Variants in OCA2 observed in about 807,000 individuals in gnomAD.
OCA2 encodes OCA2 melanosomal transmembrane protein, also known as P protein.
In OCA2, 77 loss-of-function variants were observed where a neutral mutation model predicts 100.2. The observed-to-expected ratio is 0.77, with a 90% CI of 0.64 to 0.93. OCA2 has a LOEUF of 0.93. Among genes scored for constraint, OCA2 ranks in the 40% least tolerant of loss-of-function variants. OCA2 has a pLI of 0.00. For missense variants in OCA2, 1,062 were observed against 1,089.1 expected (o/e 0.98, Z 0.35); for synonymous variants, 432 against 439.2 (o/e 0.98, Z 0.21).
chr15:28,006,609 C>T (rs2042099227), intron 9 of OCA2, among the ~76,000 whole-genome samples: 1 of 152,192 alleles, frequency 6.6e-6, no homozygotes, highest in Admixed American at 6.5e-5. Context: ...CATAATCCAC[C>T]AGTTTTCCTG....
intron 19 of OCA2, among the ~76,000 whole-genome samples, chr15:27,903,595 G>C (rs1177034672): frequency 6.6e-6 from 1 of 152,188 alleles, no homozygotes; most frequent in Non-Finnish European, 1.5e-5. Flanking sequence ...CAGGAGCTTG[G>C]AACTCCCCTC....
At chr15:28,073,758 T>G (rs2044338630) in intron 2 of OCA2, among the ~76,000 whole-genome samples, 5 of 152,224 alleles carry the variant, frequency 3.3e-5, no homozygotes, top group African/African-American at 1.2e-4. Context: ...AAATAAACGT[T>G]GAATTTTAAA....
intron 23 of OCA2, among the ~76,000 whole-genome samples, chr15:27,770,877 C>G: frequency 7.2e-6 from 1 of 138,748 alleles, no homozygotes; most frequent in Non-Finnish European, 1.5e-5. Flanking sequence ...TTCCCTCCTT[C>G]CTTTGCTCCT....
chr15:27,826,909 G>A (rs1179397084), intron 23 of OCA2, among the ~76,000 whole-genome samples: 1 of 152,252 alleles, frequency 6.6e-6, no homozygotes, highest in Non-Finnish European at 1.5e-5. Context: ...CCCTCATTTT[G>A]TGATTCTTCC....
At chr15:27,761,549 T>C (rs2030844208) in intron 23 of OCA2, among the ~76,000 whole-genome samples, 2 of 152,082 alleles carry the variant, frequency 1.3e-5, no homozygotes. Context: ...AAAATGTTAA[T>C]TTGCCCCAAA....
At chr15:27,755,851 T>C (rs2030315783) in intron 23 of OCA2, among the ~76,000 whole-genome samples, 1 of 152,210 alleles carries the variant, frequency 6.6e-6, no homozygotes, top group South Asian at 2.1e-4. Flanking sequence ...TCTGGAGATT[T>C]CCCAGAGATC....
rs2040834718 is a variant in OCA2 at position 27,972,797 on chromosome 15, T to C, written c.1504-5975A>G. Among the ~76,000 whole-genome samples, 2 of 151,554 alleles carry C rather than the reference T, an allele frequency of 1.3e-5. 1 individual carries two copies. The highest frequency in any genetic ancestry group is 4.1e-4 in the South Asian group (2 of 4,830). On this transcript the variant is annotated intron_variant, in intron 14 of 23. Transcript: ENST00000354638. ...TTTGCAAACATTGTCTCCCATTCTG[T>C]AGGTTTTCTGTTTACTTTGATGGTT...
the OCA2 span, among the ~76,000 whole-genome samples, chr15:27,727,920 A>ACGTATTCAC: frequency 5.9e-5 from 9 of 152,156 alleles, no homozygotes; most frequent in African/African-American, 2.2e-4. Flanking sequence ...GTTTAAGACA[A>ACGTATTCAC]CGTATTCACA....
chr15:27,935,150 T>C (rs968398643), intron 18 of OCA2, among the ~76,000 whole-genome samples: 4 of 152,230 alleles, frequency 2.6e-5, no homozygotes, highest in Admixed American at 6.5e-5. Flanking sequence ...CACATTCTAT[T>C]ACAAATTCTA....
At chr15:27,775,402 C>T (rs1485618444) in intron 23 of OCA2, among the ~76,000 whole-genome samples, 2 of 152,204 alleles carry the variant, frequency 1.3e-5, no homozygotes, top group Non-Finnish European at 2.9e-5. Context: ...AAAGATCCCA[C>T]ACCTATGGAG....
intron 9 of OCA2, among the ~76,000 whole-genome samples, chr15:27,999,036 C>T (rs1006759200): frequency 2.0e-5 from 3 of 151,310 alleles, no homozygotes; most frequent in Non-Finnish European, 4.4e-5. Flanking sequence ...ACATCACACT[C>T]TGGGGACTGT....
intron 17 of OCA2, among the ~76,000 whole-genome samples, 179 bp downstream of exon 17, chr15:27,954,976 CCTG>C (rs985005715): frequency 1.3e-5 from 2 of 152,350 alleles, no homozygotes; most frequent in African/African-American, 2.4e-5. Context: ...ACAAAATCAG[CCTG>C]CTGTATCCAG....
In OCA2 at chr15:27,935,288, G is replaced by C. The variant is rs1003221774; in HGVS notation, c.1952-9034C>G. Among the ~76,000 whole-genome samples the C allele has an allele frequency of 5.9e-5, 9 of 152,116 alleles. No homozygotes were observed. In the East Asian group the frequency reaches 1.3e-3, roughly 23 times the overall value. On this transcript the variant is annotated intron_variant, in intron 18 of 23. Coordinates refer to ENST00000354638, the MANE Select transcript of OCA2 (RefSeq NM_000275.3). ...GGAGCTTCTATCAAACGCTTTCCTC[G>C]AGTGGGCATTAATCTCTCACCAAGA...
intron 21 of OCA2, among the ~76,000 whole-genome samples, chr15:27,858,388 G>GAAA (rs200488887): frequency 1.0e-4 from 5 of 49,388 alleles, no homozygotes; most frequent in Admixed American, 4.6e-4. Context: ...AAGAAAGAAA[G>GAAA]AAAAAAAAAA....
At chr15:27,821,369 C>T (rs1294003468) in intron 23 of OCA2, among the ~76,000 whole-genome samples, 1 of 152,172 alleles carries the variant, frequency 6.6e-6, no homozygotes, top group South Asian at 2.1e-4. Flanking sequence ...ACAACACACA[C>T]ATAAAACACA....
intron 18 of OCA2, among the ~76,000 whole-genome samples, chr15:27,948,813 C>T (rs934693288): frequency 1.3e-5 from 2 of 152,178 alleles, no homozygotes; most frequent in African/African-American, 4.8e-5. Context: ...ACCATAAAGG[C>T]ATTACACTGT....
Position 28,032,096 on chromosome 15 carries a change from G to C in OCA2, c.295C>G (p.Pro99Ala), listed in dbSNP as rs757072925. The C allele has an allele frequency of 1.2e-6, 2 of 1,613,972 alleles. No individual in the cohort carries two copies. The highest frequency in any genetic ancestry group is 2.2e-5 in the South Asian group (2 of 91,074). The change falls in exon 3 of 24, where the codon CCT becomes GCT. Residue 99 changes from proline (P) to alanine (A), a missense_variant. Pro to Ala is a conservative substitution (Grantham distance 27). Coordinates refer to ENST00000354638, the MANE Select transcript of OCA2 (RefSeq NM_000275.3). ...TCCTGTAAGGAATTCCTCAGCAAAG[G>C]AGTGTTTTCTGTAAAGCAGGAATCT... is the stretch of plus-strand genomic sequence containing the variant. ...SKDSCFTENTPLLRNSLQEKG... is the reference protein window; with the variant it reads ...SKDSCFTENTALLRNSLQEKG...
chr15:28,018,941 A>C (rs952786051), intron 6 of OCA2, among the ~76,000 whole-genome samples: 3 of 151,732 alleles, frequency 2.0e-5, no homozygotes, highest in Non-Finnish European at 4.4e-5. Flanking sequence ...TCAGGACCCC[A>C]CTCTTCATCA....
At chr15:28,093,790 A>G (rs2044915389) in intron 1 of OCA2, among the ~76,000 whole-genome samples, 1 of 152,198 alleles carries the variant, frequency 6.6e-6, no homozygotes, top group South Asian at 2.1e-4. Context: ...ATACACAGCA[A>G]CGTAGAGGAA....
Sources: gnomAD v4.1 joint callset for allele counts (sites outside exome capture counted in the v4.1 genomes callset) on GRCh38, gnomAD v4.1.1 for gene constraint, MANE v1.5 for transcripts, NCBI Gene and HGNC (gene_info 2026-07-23, HGNC 2026-07-21) for gene names.